PLSCR4: variants seen among roughly 807,000 people sequenced by gnomAD.
PLSCR4 encodes phospholipid scramblase 4, also known as Ca(2+)-dependent phospholipid scramblase 4.
PLSCR4 carries 25 observed loss-of-function variants against 36.3 expected under a neutral mutation model. The ratio of observed to expected loss-of-function variants is 0.69; its 90% CI spans 0.50 to 0.96. The LOEUF is 0.96. PLSCR4 is among the 40% of genes least tolerant of loss of function. The pLI is 0.00. For synonymous variants in PLSCR4, 122 were observed against 132.9 expected (o/e 0.92, Z 0.56); for missense variants, 408 against 414.7 (o/e 0.98, Z 0.14).
chr3:146,244,649 C>G (rs1226691575), intron 1 of PLSCR4, among the ~76,000 whole-genome samples: 1 of 152,042 alleles, frequency 6.6e-6, no homozygotes, highest in Non-Finnish European at 1.5e-5. Context: ...TGTGACTGCT[C>G]CACAGAGCAA....
intron 3 of PLSCR4, among the ~76,000 whole-genome samples, chr3:146,213,940 G>C (rs531505632): frequency 6.6e-6 from 1 of 151,842 alleles, no homozygotes; most frequent in Non-Finnish European, 1.5e-5. Flanking sequence ...TGGTTAGTTT[G>C]ACTTAAGGTT....
At chr3:146,230,626 A>T (rs1348744704) in intron 1 of PLSCR4, among the ~76,000 whole-genome samples, 1 of 152,096 alleles carries the variant, frequency 6.6e-6, no homozygotes, top group Non-Finnish European at 1.5e-5. Flanking sequence ...AGAGAGAGCG[A>T]GGAGGAGCAG....
chr3:146,221,456 T>C (rs1402045544), intron 2 of PLSCR4, among the ~76,000 whole-genome samples: 2 of 152,204 alleles, frequency 1.3e-5, no homozygotes, highest in Non-Finnish European at 2.9e-5. Context: ...ATTTTCACTG[T>C]ATTCTTTCTA....
chr3:146,229,641 A>ATTTATTTATTTATTTT (rs372274251), intron 1 of PLSCR4, among the ~76,000 whole-genome samples: 5 of 132,882 alleles, frequency 3.8e-5, no homozygotes, highest in Admixed American at 2.2e-4. Flanking sequence ...TTATTTATTT[A>ATTTATTTATTTATTTT]TGAGATGGAG....
intron 3 of PLSCR4, among the ~76,000 whole-genome samples, chr3:146,216,885 T>C (rs535585230): frequency 6.6e-6 from 1 of 152,262 alleles, no homozygotes; most frequent in Middle Eastern, 3.4e-3. Flanking sequence ...CAACCAATAA[T>C]GCAAAAGCCA....
chr3:146,240,118 A>T (rs1198596453), intron 1 of PLSCR4, among the ~76,000 whole-genome samples: 2 of 152,228 alleles, frequency 1.3e-5, no homozygotes, highest in Admixed American at 6.5e-5. Flanking sequence ...AGAATGAGAT[A>T]AAATATTTTC....
chr3:146,220,742 G>T, intron 3 of PLSCR4, 73 bp downstream of exon 3: 1 of 942,072 alleles, frequency 1.1e-6, no homozygotes, highest in Non-Finnish European at 1.7e-6. Flanking sequence ...TAATTTGTTC[G>T]CTTAAAAAGC....
intron 1 of PLSCR4, among the ~76,000 whole-genome samples, chr3:146,234,879 T>G (rs2035854324): frequency 6.6e-6 from 1 of 152,100 alleles, no homozygotes; most frequent in South Asian, 2.1e-4. Context: ...GTGCACACAC[T>G]AAAGAGATCT....
chr3:146,200,793 T>C (rs138731706), intron 5 of PLSCR4, among the ~76,000 whole-genome samples: 2 of 152,162 alleles, frequency 1.3e-5, no homozygotes, highest in East Asian at 3.9e-4. Flanking sequence ...AGTGTAGGGC[T>C]ATTGACCAGA....
At position 146,238,252 on chromosome 3, in the gene PLSCR4, ATACT is replaced by A. The variant is rs1447638608; in HGVS notation, c.-22+12704_-22+12707del. Among the ~76,000 whole-genome samples the A allele has an allele frequency of 2.3e-4, 35 of 152,026 alleles. No homozygotes were observed. In the East Asian group the frequency reaches 6.4e-3, roughly 28 times the overall value. Reference sequence around the variant, plus strand: ...ATGATTTACTTGTGCATTCTACCAAATACTTAATAAGGAATGAATATCAACCCTT... The same window carrying A: ...ATGATTTACTTGTGCATTCTACCAAATAATAAGGAATGAATATCAACCCTT... On this transcript the variant is annotated intron_variant, in intron 1 of 8. Transcript: ENST00000354952.
rs929642045 is a variant in PLSCR4 at position 146,192,561 on chromosome 3, A to G, written c.*1850T>C. On this transcript the variant is annotated 3_prime_UTR_variant, in exon 9 of 9. Coordinates refer to ENST00000354952, the MANE Select transcript of PLSCR4 (RefSeq NM_020353.3). ...AAGAGACAAATATAATTTTTTAAAA[A>G]AGAAATTAAAAATATCACGTCTTAT... The G allele has an allele frequency of 1.3e-5, 2 of 151,686 alleles. No homozygotes were observed. The highest frequency in any genetic ancestry group is 4.8e-5 in the African/African-American group (2 of 41,400). The allele number at this position is 151,686 out of a possible 1,614,324, so 9.4% of individuals were successfully genotyped here. A position where few individuals can be genotyped will look rare whatever the true frequency, so the allele number is the denominator to read the frequency against.
intron 4 of PLSCR4, among the ~76,000 whole-genome samples, chr3:146,205,998 G>A (rs936045153): frequency 5.3e-5 from 8 of 152,086 alleles, no homozygotes; most frequent in Admixed American, 3.9e-4. Flanking sequence ...TGTGTTGTAT[G>A]AAGGGGGTCT....
Position 146,199,806 on chromosome 3 carries a change from C to T in PLSCR4, c.624+7G>A. 6.2e-7 allele frequency: 1 copy of T among 1,606,258 alleles called. No homozygotes were observed. The highest frequency in any genetic ancestry group is 8.5e-7 in the Non-Finnish European group (1 of 1,173,582). ...GCAAGCTGTGGATCAGACTTCCATT[C>T]TCTGACCTCTTGTCTGGCAGAGGGG... On this transcript the variant is annotated splice_region_variant and intron_variant, in intron 6 of 8. Transcript: ENST00000354952.
At chr3:146,202,602 T>A (rs138595747) in intron 4 of PLSCR4, among the ~76,000 whole-genome samples, 91 of 152,128 alleles carry the variant, frequency 6.0e-4, no homozygotes, top group Non-Finnish European at 5.4e-4. Flanking sequence ...AGCAATTTCT[T>A]AACAAAAGAT....
At chr3:146,245,454 G>A (rs1472195801) in intron 1 of PLSCR4, among the ~76,000 whole-genome samples, 4 of 151,866 alleles carry the variant, frequency 2.6e-5, no homozygotes, top group Non-Finnish European at 4.4e-5. Context: ...ATTTTTAAGT[G>A]ATACATTCTC....
At chr3:146,234,599 G>A (rs2035841908) in intron 1 of PLSCR4, among the ~76,000 whole-genome samples, 1 of 151,926 alleles carries the variant, frequency 6.6e-6, no homozygotes, top group Admixed American at 6.6e-5. Context: ...AATGAATTTG[G>A]GGGACACACA....
intron 1 of PLSCR4, among the ~76,000 whole-genome samples, chr3:146,243,644 G>A (rs2036241125): frequency 6.6e-6 from 1 of 152,132 alleles, no homozygotes; most frequent in Admixed American, 6.6e-5. Context: ...GTGAAAATAT[G>A]TGATGGGTTT....
intron 1 of PLSCR4, among the ~76,000 whole-genome samples, chr3:146,232,340 A>G (rs2035745966): frequency 1.3e-5 from 2 of 152,116 alleles, no homozygotes; most frequent in Admixed American, 1.3e-4. Flanking sequence ...TTTGTTCCAT[A>G]TGAATTTCAG....
At chr3:146,242,400 C>A (rs966229427) in intron 1 of PLSCR4, among the ~76,000 whole-genome samples, 1 of 152,168 alleles carries the variant, frequency 6.6e-6, no homozygotes, top group Non-Finnish European at 1.5e-5. Flanking sequence ...GCCCAGTGTA[C>A]TCACTGCTCT....
Sources: gnomAD v4.1 joint callset for allele counts (sites outside exome capture counted in the v4.1 genomes callset) on GRCh38, gnomAD v4.1.1 for gene constraint, MANE v1.5 for transcripts, NCBI Gene and HGNC (gene_info 2026-07-23, HGNC 2026-07-21) for gene names.